Variants in TMEM116 observed in about 807,000 individuals in gnomAD.
TMEM116 encodes the protein transmembrane protein 116.
TMEM116 carries 38 observed loss-of-function variants against 44.3 expected under a neutral mutation model. The observed-to-expected ratio is 0.86, with a 90% CI of 0.66 to 1.12. The LOEUF is 1.12. Ranked by LOEUF, TMEM116 falls within the 50% of genes most tolerant of loss-of-function variation. TMEM116 has a pLI of 0.00. For synonymous variants in TMEM116, 132 were observed against 144.8 expected (o/e 0.91, Z 0.64); for missense variants, 354 against 401.7 (o/e 0.88, Z 1.01).
intron 3 of TMEM116, among the ~76,000 whole-genome samples, chr12:111,997,893 C>A (rs1296693651): frequency 1.3e-5 from 2 of 152,182 alleles, no homozygotes; most frequent in South Asian, 4.1e-4. Flanking sequence ...TCTGGGTAAG[C>A]TTGCTAAAAT....
intron 3 of TMEM116, among the ~76,000 whole-genome samples, chr12:111,999,226 CT>C (rs138800831): frequency 2.0e-5 from 3 of 150,766 alleles, no homozygotes; most frequent in African/African-American, 4.9e-5. Context: ...TGTATTTGTC[CT>C]TTTTTTTTAC....
At chr12:111,998,533 T>C (rs2077052237) in intron 3 of TMEM116, among the ~76,000 whole-genome samples, 2 of 152,200 alleles carry the variant, frequency 1.3e-5, no homozygotes, top group Non-Finnish European at 2.9e-5. Flanking sequence ...AATAGCCCTA[T>C]GAGGCTGGGC....
chr12:111,989,911 C>T (rs1004977002), intron 4 of TMEM116, among the ~76,000 whole-genome samples: 1 of 152,026 alleles, frequency 6.6e-6, no homozygotes, highest in African/African-American at 2.4e-5. Flanking sequence ...AAGCTGTACA[C>T]CATAAATATG....
Position 111,932,566 on chromosome 12 carries a change from C to T in TMEM116, c.807+20G>A. 1 of 1,604,368 alleles carries T rather than the reference C, an allele frequency of 6.2e-7. No homozygotes were observed. Among genetic ancestry groups the T allele is most frequent in the Non-Finnish European group, 8.5e-7 (1 of 1,171,182 alleles). ...ATAAGCGGGTGTAAGAACAGAGATA[C>T]TGAATGTTGAAGGTGTTACCTGGAG... On this transcript the variant is annotated intron_variant, in intron 10 of 10. Coordinates refer to ENST00000552374, the MANE Select transcript of TMEM116 (RefSeq NM_001193531.2).
At chr12:111,981,849 C>T (rs187732555) in intron 4 of TMEM116, among the ~76,000 whole-genome samples, 17 of 152,114 alleles carry the variant, frequency 1.1e-4, no homozygotes, top group African/African-American at 4.1e-4. Context: ...TACTATTCAG[C>T]CTTTAAAAGG....
At chr12:111,985,621 G>A (rs2076184165) in intron 4 of TMEM116, among the ~76,000 whole-genome samples, 1 of 152,070 alleles carries the variant, frequency 6.6e-6, no homozygotes, top group Admixed American at 6.6e-5. Flanking sequence ...ACAAGGTCTC[G>A]CTCTGTCACC....
chr12:111,991,690 T>C, intron 4 of TMEM116, 68 bp downstream of exon 4: 1 of 1,460,264 alleles, frequency 6.8e-7, no homozygotes, highest in South Asian at 1.4e-5. Context: ...AGGTGAATCA[T>C]CTTTGTTTCT....
chr12:112,000,649 C>A, intron 3 of TMEM116: 1 of 428,916 alleles, frequency 2.3e-6, no homozygotes, highest in East Asian at 6.5e-5. Context: ...CTCAAGTGAT[C>A]CTCCCATCTC....
At chr12:111,943,194 G>T in intron 5 of TMEM116, 71 bp downstream of exon 5, 1 of 1,219,274 alleles carries the variant, frequency 8.2e-7, no homozygotes, top group Non-Finnish European at 1.2e-6. Flanking sequence ...TAACTGCTGG[G>T]ATTACAGGTA....
At chr12:111,959,128 C>T (rs1460259820) in intron 4 of TMEM116, among the ~76,000 whole-genome samples, 1 of 152,174 alleles carries the variant, frequency 6.6e-6, no homozygotes, top group Admixed American at 6.5e-5. Context: ...AAGGGAAGCC[C>T]ATCAGACTAA....
At chr12:111,973,369 T>A (rs1451274335) in intron 4 of TMEM116, among the ~76,000 whole-genome samples, 1 of 152,114 alleles carries the variant, frequency 6.6e-6, no homozygotes, top group African/African-American at 2.4e-5. Context: ...ATATTAGAAT[T>A]TACGGGATAT....
At chr12:111,966,254 A>G (rs1041298072) in intron 4 of TMEM116, among the ~76,000 whole-genome samples, 1 of 151,710 alleles carries the variant, frequency 6.6e-6, no homozygotes, top group Non-Finnish European at 1.5e-5. Context: ...TGCAGTGAGC[A>G]GAGATTGCAC....
At chr12:111,938,099 C>A (rs939592243) in intron 6 of TMEM116, 62 bp downstream of exon 6, 24 of 1,163,680 alleles carry the variant, frequency 2.1e-5, no homozygotes, top group Non-Finnish European at 2.7e-5. Flanking sequence ...CTATTTGTTC[C>A]CACCTGAACA....
rs897300368 is a variant in TMEM116 at position 111,943,204 on chromosome 12, A to G, written c.315+61T>C. 7 of 1,307,436 alleles carry G rather than the reference A, an allele frequency of 5.4e-6. No individual in the cohort carries two copies. The African/African-American group carries it at 1.0e-4, about 19-fold the overall frequency. The allele number at this position is 1,307,436 out of a possible 1,614,324, so 81.0% of individuals were successfully genotyped here. A position where few individuals can be genotyped will look rare whatever the true frequency, so the allele number is the denominator to read the frequency against. On this transcript the variant is annotated intron_variant, in intron 5 of 10. Coordinates refer to ENST00000552374, the MANE Select transcript of TMEM116 (RefSeq NM_001193531.2). The stretch of plus-strand genomic sequence containing the variant: ...CTCCCTAACTGCTGGGATTACAGGT[A>G]GGAGTCACCACACCCGGCCTAGCAT...
chr12:112,012,211 C>T (rs1294229408), intron 1 of TMEM116: 3 of 152,272 alleles, frequency 2.0e-5, no homozygotes, highest in Admixed American at 6.5e-5. Flanking sequence ...CAAAAGTCAC[C>T]TCCTGTCTAC....
chr12:111,970,696 C>T (rs2075282640), intron 4 of TMEM116, among the ~76,000 whole-genome samples: 1 of 151,496 alleles, frequency 6.6e-6, no homozygotes, highest in Non-Finnish European at 1.5e-5. Context: ...ACACCATTCT[C>T]CTGCCTCAGC....
chr12:112,004,231 T>C (rs1305971133), intron 2 of TMEM116, among the ~76,000 whole-genome samples: 2 of 151,968 alleles, frequency 1.3e-5, no homozygotes, highest in Non-Finnish European at 2.9e-5. Context: ...TCTTCCCACT[T>C]TGGCCTTTCA....
At chr12:111,995,238 A>G (rs2076864991) in intron 3 of TMEM116, among the ~76,000 whole-genome samples, 1 of 152,222 alleles carries the variant, frequency 6.6e-6, no homozygotes, top group Non-Finnish European at 1.5e-5. Context: ...TGGTACTAGT[A>G]CAGGGATGGA....
chr12:111,957,185 G>A (rs1373858944), intron 4 of TMEM116, among the ~76,000 whole-genome samples: 1 of 151,838 alleles, frequency 6.6e-6, no homozygotes, highest in Non-Finnish European at 1.5e-5. Flanking sequence ...GAAGTGAGGA[G>A]TGTCTCTGCC....
Sources: allele counts gnomAD v4.1 joint callset (sites outside exome capture counted in the v4.1 genomes callset), GRCh38; gene constraint gnomAD v4.1.1; transcripts MANE v1.5; gene names NCBI Gene and HGNC (gene_info 2026-07-23, HGNC 2026-07-21).